ALS2CL: variants seen among roughly 807,000 people sequenced by gnomAD.
ALS2CL encodes the protein ALS2 C-terminal-like protein.
Under a neutral mutation model 127.9 loss-of-function variants are expected in ALS2CL, and 112 were observed. The observed-to-expected ratio is 0.88, with a 90% CI of 0.75 to 1.02. The LOEUF (loss-of-function observed/expected upper bound fraction) is 1.02, where lower values mean the gene tolerates loss of function less well. Among genes scored for constraint, ALS2CL ranks in the 50% least tolerant of loss-of-function variants. The pLI is 0.00. For synonymous variants in ALS2CL, 519 were observed against 527.6 expected (o/e 0.98, Z 0.22); for missense variants, 1,174 against 1,236.7 (o/e 0.95, Z 0.76).
chr3:46,682,219 C>T (rs1470947223), intron 10 of ALS2CL, 125 bp from the exon 11 acceptor site: 2 of 1,011,222 alleles, frequency 2.0e-6, no homozygotes, highest in Admixed American at 4.1e-5. Flanking sequence ...CCACCCAGCC[C>T]TCTTGTCTGA....
chr3:46,684,357 T>G (rs1324260762), intron 7 of ALS2CL, among the ~76,000 whole-genome samples: 3 of 152,118 alleles, frequency 2.0e-5, no homozygotes, highest in African/African-American at 7.2e-5. Context: ...TGGCTCCTAC[T>G]GCCTGGGGGT....
At position 46,686,949 on chromosome 3, in the gene ALS2CL, G is replaced by T; in HGVS notation, c.534+34C>A. 1 of 1,535,920 alleles carries T rather than the reference G, an allele frequency of 6.5e-7. No individual in the cohort carries two copies. Among genetic ancestry groups the T allele is most frequent in the Non-Finnish European group, 8.7e-7 (1 of 1,145,168 alleles). ...CTGGGCCCTATCCCTCCCTTCCCTCGGCTTCCCCACATGCTGCTGCCCCTG... is the reference window on the plus strand; with the variant it reads ...CTGGGCCCTATCCCTCCCTTCCCTCTGCTTCCCCACATGCTGCTGCCCCTG... On this transcript the variant is annotated intron_variant, in intron 5 of 25. Coordinates refer to ENST00000318962, the MANE Select transcript of ALS2CL (RefSeq NM_147129.5). The surrounding 1 kb of genome is among the most constrained non-coding windows in gnomAD (Gnocchi z 4.3).
Position 46,679,334 on chromosome 3 carries a change from G to C in ALS2CL, c.1549-47C>G, listed in dbSNP as rs200294308. The C allele has an allele frequency of 1.1e-4, 158 of 1,485,892 alleles. 1 individual carries two copies. The East Asian group carries it at 3.8e-3, about 35-fold the overall frequency. The allele number at this position is 1,485,892 out of a possible 1,614,324, so 92.0% of individuals were successfully genotyped here. ...AGGGTAGAAAGGGTGGGTGAGGAAG[G>C]GCCAGGAAACTCAGGGTGGAGAGAG... is the stretch of plus-strand genomic sequence containing the variant. On this transcript the variant is annotated intron_variant, in intron 14 of 25. Coordinates refer to ENST00000318962, the MANE Select transcript of ALS2CL (RefSeq NM_147129.5).
Position 46,674,550 on chromosome 3 carries a change from G to A in ALS2CL, c.2429+16C>T. Reference sequence around the variant, plus strand: ...TGAGTCCTGGCTAACACGGCACGGGGGAAGGGAAGGCTTACTTCTGCACAT... The same window carrying A: ...TGAGTCCTGGCTAACACGGCACGGGAGAAGGGAAGGCTTACTTCTGCACAT... On this transcript the variant is annotated intron_variant, in intron 21 of 25. Coordinates refer to ENST00000318962, the MANE Select transcript of ALS2CL (RefSeq NM_147129.5). 1 of 1,605,986 alleles carries A rather than the reference G, an allele frequency of 6.2e-7. No individual in the cohort carries two copies. Among genetic ancestry groups the A allele is most frequent in the Middle Eastern group, 1.7e-4 (1 of 6,022 alleles).
At chr3:46,676,032 T>G in intron 19 of ALS2CL, 2 of 1,402,492 alleles carry the variant, frequency 1.4e-6, no homozygotes, top group Non-Finnish European at 1.9e-6. Flanking sequence ...CCTGGTTGGG[T>G]CTTGGACTCT....
At chr3:46,687,473 T>A in intron 4 of ALS2CL, 146 bp downstream of exon 4, 1 of 928,960 alleles carries the variant, frequency 1.1e-6, no homozygotes, top group Non-Finnish European at 1.6e-6. Context: ...CCAGTGTGGA[T>A]CAGTGCAGAT....
chr3:46,679,173 T>C (rs1053967530), intron 15 of ALS2CL, 37 bp downstream of exon 15: 10 of 1,535,362 alleles, frequency 6.5e-6, no homozygotes, highest in Non-Finnish European at 8.8e-6. Flanking sequence ...AACCAAGGCC[T>C]TGGCAGGGTG....
At chr3:46,689,568 A>C in intron 1 of ALS2CL, 103 bp from the exon 2 acceptor site, 1 of 707,016 alleles carries the variant, frequency 1.4e-6, no homozygotes, top group Non-Finnish European at 2.3e-6. Flanking sequence ...GACCACCCAC[A>C]TCAGAACTGA....
intron 3 of ALS2CL, among the ~76,000 whole-genome samples, 171 bp downstream of exon 3, chr3:46,687,927 C>T (rs576913550): frequency 3.3e-5 from 5 of 152,310 alleles, no homozygotes; most frequent in East Asian, 1.9e-4. Context: ...TGCTGTCAGG[C>T]GAATACCCAA....
At chr3:46,684,667 G>A (rs1009523045) in intron 7 of ALS2CL, among the ~76,000 whole-genome samples, 7 of 152,298 alleles carry the variant, frequency 4.6e-5, no homozygotes, top group Admixed American at 6.5e-5. Context: ...CTTGCCAGCC[G>A]CAGGCCAGGG....
chr3:46,688,441 G>T (rs1023103372), intron 2 of ALS2CL, 145 bp from the exon 3 acceptor site: 1 of 787,216 alleles, frequency 1.3e-6, no homozygotes, highest in Non-Finnish European at 2.0e-6. Flanking sequence ...CCTGGGATCC[G>T]CAGGACAGAA....
At chr3:46,674,530 C>A in intron 21 of ALS2CL, 36 bp downstream of exon 21, 1 of 1,589,238 alleles carries the variant, frequency 6.3e-7, no homozygotes, top group South Asian at 1.2e-5. Flanking sequence ...GAGTTTGAGT[C>A]CTGGCTAACA....
At position 46,689,450 on chromosome 3, in the gene ALS2CL, C is replaced by T. The variant is rs767102641; in HGVS notation, c.-10G>A. 2 of 1,599,618 alleles carry T rather than the reference C, an allele frequency of 1.3e-6. No individual in the cohort carries two copies. Among genetic ancestry groups the T allele is most frequent in the East Asian group, 2.3e-5 (1 of 44,260 alleles). ...CCTCAGGGTTGCACATGGCCAGGTG[C>T]CGGACTCAGGGCCTCCTAGGTAGGG... is the stretch of plus-strand genomic sequence containing the variant. On this transcript the variant is annotated 5_prime_UTR_variant, in exon 2 of 26. Coordinates refer to ENST00000318962, the MANE Select transcript of ALS2CL (RefSeq NM_147129.5).
chr3:46,687,026 T>C lies in ALS2CL; in HGVS notation c.491A>G (p.Gln164Arg), dbSNP rs759920964. 1 of 1,605,682 alleles carries C rather than the reference T, an allele frequency of 6.2e-7. No individual in the cohort carries two copies. Among genetic ancestry groups the C allele is most frequent in the Non-Finnish European group, 8.5e-7 (1 of 1,179,290 alleles). The change falls in exon 5 of 26, where the codon CAG (glutamine) becomes CGG (arginine). Residue 164 changes from glutamine (Q) to arginine (R), a missense_variant. Transcript: ENST00000318962. ...LHQPLAHHVQ[Q>R]YVLLLLSLGD... The stretch of plus-strand genomic sequence containing the variant: ...GAGGCTCAGCAGGAGGAGCACGTAC[T>C]GTTGCACGTGATGGGCGAGTGGCTG...
In ALS2CL at chr3:46,680,459, G is replaced by A; in HGVS notation, c.1519C>T (p.Gln507Ter). 6.2e-7 allele frequency: 1 copy of A among 1,613,494 alleles called. No individual in the cohort carries two copies. The highest frequency in any genetic ancestry group is 8.5e-7 in the Non-Finnish European group (1 of 1,180,010). ...GTCTTGTCCGCCTGGAAGGTGCCCT[G>A]GTAGCAGACACCTGCCTGGGTGACC... Reference protein sequence around the residue: ...VMVTQAGVCYQGTFQADKTVG... With the variant: ...VMVTQAGVCY The change falls in exon 14 of 26, where the codon CAG becomes TAG. Residue 507 changes from glutamine (Q) to a stop codon, truncating the protein, a stop_gained. Transcript: ENST00000318962. LOFTEE classifies it high-confidence loss of function.
At chr3:46,691,505 A>C (rs1368646013) in intron 1 of ALS2CL, among the ~76,000 whole-genome samples, 2 of 151,892 alleles carry the variant, frequency 1.3e-5, no homozygotes, top group Admixed American at 6.6e-5. Flanking sequence ...GACCCTAGAG[A>C]TAGCCTCTCC....
chr3:46,678,073 A>G (rs1345145706), intron 16 of ALS2CL, among the ~76,000 whole-genome samples, 186 bp downstream of exon 16: 2 of 151,086 alleles, frequency 1.3e-5, no homozygotes, highest in African/African-American at 2.4e-5. Context: ...GGTGTACCGC[A>G]TTATATCCAC....
At chr3:46,675,593 C>T in intron 20 of ALS2CL, 25 bp downstream of exon 20, 1 of 1,607,540 alleles carries the variant, frequency 6.2e-7, no homozygotes, top group African/African-American at 1.3e-5. Flanking sequence ...ACACGGCAGG[C>T]CCCAAGGAGA....
chr3:46,676,316 G>A lies in ALS2CL; in HGVS notation c.2115C>T (p.Ala705=). Residue 705 remains alanine (A), a synonymous_variant, in exon 19 of 26, where the codon GCC becomes GCT. Transcript: ENST00000318962. ...GGGCCAGCTCCTGCAGGTGCTTGTT[G>A]GCCCCGACACCTGCGTAGGTAGCCT... ...TFQATYAGVG[A]NKHLQELAQE... 1 of 1,613,824 alleles carries A rather than the reference G, an allele frequency of 6.2e-7. No homozygotes were observed. The highest frequency in any genetic ancestry group is 8.5e-7 in the Non-Finnish European group (1 of 1,179,974).
Sources: gnomAD v4.1 joint callset for allele counts (sites outside exome capture counted in the v4.1 genomes callset) on GRCh38, gnomAD v4.1.1 for gene constraint, Gnocchi (gnomAD v3.1) non-coding constraint, MANE v1.5 for transcripts, NCBI Gene and HGNC (gene_info 2026-07-23, HGNC 2026-07-21) for gene names.